Variants in CRIPT observed in about 807,000 individuals in gnomAD.
CRIPT encodes the protein CXXC repeat containing interactor of PDZ3 domain.
CRIPT carries 20 observed loss-of-function variants against 16.6 expected under a neutral mutation model. That is an observed-to-expected ratio of 1.20 (90% CI 0.85 to 1.75). The LOEUF (loss-of-function observed/expected upper bound fraction) is 1.75. Among genes scored for constraint, CRIPT ranks in the 40% most tolerant of loss-of-function variants. The pLI is 0.00. For synonymous variants in CRIPT, 42 were observed against 37.0 expected, an observed-to-expected ratio of 1.14 and a Z score of -0.49; for missense variants, 133 against 115.3, an observed-to-expected ratio of 1.15 and a Z score of -0.70.
intron 2 of CRIPT, 97 bp from the exon 3 acceptor site, chr2:46,619,530 A>T (rs1199650982): frequency 4.3e-6 from 3 of 693,440 alleles, no homozygotes; most frequent in Non-Finnish European, 7.0e-6. Context: ...TTAGATATAG[A>T]CTACTATTTT....
rs1289000101 is a variant in CRIPT, at chr2:46,626,986, C to T, written c.*2759C>T. The stretch of plus-strand genomic sequence containing the variant: ...TTGCTGGGATTACAGGTGCCTGCCA[C>T]CAAGCGTGGCTAATTTTGGTACTTT... On this transcript the variant is annotated 3_prime_UTR_variant, in exon 5 of 5. Transcript: ENST00000238892. 6.6e-6 allele frequency among the ~76,000 whole-genome samples: 1 copy of T among 152,064 alleles called. No homozygotes were observed. The highest frequency in any genetic ancestry group is 1.5e-5 in the Non-Finnish European group (1 of 68,012).
At chr2:46,623,902 A>C (rs1319693487) in intron 4 of CRIPT, 35 bp downstream of exon 4, 6 of 1,419,142 alleles carry the variant, frequency 4.2e-6, no homozygotes, top group East Asian at 4.6e-5. Flanking sequence ...CTATTCATAA[A>C]ACCGACTTCA....
chr2:46,617,446 T>C lies in CRIPT; in HGVS notation c.16+148T>C, dbSNP rs143678796. ...TTTCTACCCTACCCTTTGACCATTT[T>C]TGCACCTCCCAACGACCATACAGTC... is the stretch of plus-strand genomic sequence containing the variant. On this transcript the variant is annotated intron_variant, in intron 1 of 4. Coordinates refer to ENST00000238892, the MANE Select transcript of CRIPT (RefSeq NM_014171.6). 140 of 842,576 alleles carry C rather than the reference T, an allele frequency of 1.7e-4. No homozygotes were observed. The African/African-American group carries it at 1.8e-3, about 11-fold the overall frequency. 52.2% of individuals were successfully genotyped at this position (842,576 alleles called of 1,614,324 possible). A position where few individuals can be genotyped will look rare whatever the true frequency, so the allele number is the denominator to read the frequency against.
Position 46,624,291 on chromosome 2 carries a change from T to G in CRIPT, c.*64T>G. ...CTTTCTGCCTTGAATTTTCAAGGCA[T>G]AGATGTCAACTTACAGAATAACATG... On this transcript the variant is annotated 3_prime_UTR_variant, in exon 5 of 5. Transcript: ENST00000238892. The G allele has an allele frequency of 9.7e-7, 1 of 1,027,970 alleles. No homozygotes were observed. Among genetic ancestry groups the G allele is most frequent in the Non-Finnish European group, 1.4e-6 (1 of 702,848 alleles). 63.7% of individuals were successfully genotyped at this position (1,027,970 alleles called of 1,614,324 possible).
At position 46,625,080 on chromosome 2, in the gene CRIPT, T is replaced by G. The variant is rs1670902507; in HGVS notation, c.*853T>G. Reference sequence around the variant, plus strand: ...TTTTTAAAATTTGTTTGTTTTTTTTTTTTTTTTTTGGATACAAGAGCTCAC... The same window carrying G: ...TTTTTAAAATTTGTTTGTTTTTTTTGTTTTTTTTTGGATACAAGAGCTCAC... On this transcript the variant is annotated 3_prime_UTR_variant, in exon 5 of 5. Coordinates refer to ENST00000238892, the MANE Select transcript of CRIPT (RefSeq NM_014171.6). The G allele has an allele frequency of 6.7e-6, 1 of 149,710 alleles. No homozygotes were observed. The highest frequency in any genetic ancestry group is 1.5e-5 in the Non-Finnish European group (1 of 67,384). 9.3% of individuals were successfully genotyped at this position (149,710 alleles called of 1,614,324 possible). A position where few individuals can be genotyped will look rare whatever the true frequency, so the allele number is the denominator to read the frequency against.
At chr2:46,620,384 G>T (rs2104168055) in intron 3 of CRIPT, among the ~76,000 whole-genome samples, 1 of 152,186 alleles carries the variant, frequency 6.6e-6, no homozygotes, top group East Asian at 1.9e-4. Context: ...GGAGGTCAAG[G>T]CTGCAGTGAG....
At chr2:46,618,098 C>T (rs1670710749) in intron 1 of CRIPT, among the ~76,000 whole-genome samples, 1 of 151,220 alleles carries the variant, frequency 6.6e-6, no homozygotes, top group Non-Finnish European at 1.5e-5. Flanking sequence ...TCTGTCTTGC[C>T]TTCTCCCCAA....
chr2:46,618,539 C>G (rs756658757), intron 1 of CRIPT, among the ~76,000 whole-genome samples: 2 of 152,042 alleles, frequency 1.3e-5, no homozygotes, highest in Non-Finnish European at 2.9e-5. Flanking sequence ...AAAATATAAA[C>G]CAACAGTGAA....
chr2:46,625,269 C>T lies in CRIPT; in HGVS notation c.*1042C>T, dbSNP rs1294613840. 6.6e-6 allele frequency: 1 copy of T among 151,264 alleles called. No individual in the cohort carries two copies. Among genetic ancestry groups the T allele is most frequent in the Non-Finnish European group, 1.5e-5 (1 of 67,942 alleles). 9.4% of individuals were successfully genotyped at this position (151,264 alleles called of 1,614,324 possible). Reference sequence around the variant, plus strand: ...TATTTTTAGTAGAGATGAGGACTCACTATGTTGCCCAAGCTGTTCTCGAAC... The same window carrying T: ...TATTTTTAGTAGAGATGAGGACTCATTATGTTGCCCAAGCTGTTCTCGAAC... On this transcript the variant is annotated 3_prime_UTR_variant, in exon 5 of 5. Transcript: ENST00000238892.
chr2:46,617,767 T>A (rs533538058), intron 1 of CRIPT, among the ~76,000 whole-genome samples: 9 of 152,258 alleles, frequency 5.9e-5, no homozygotes, highest in Non-Finnish European at 1.3e-4. Context: ...GATGCTTGAA[T>A]TGAAAATCAA....
chr2:46,617,526 G>T (rs938207070), intron 1 of CRIPT, among the ~76,000 whole-genome samples: 36 of 152,016 alleles, frequency 2.4e-4, no homozygotes, highest in Non-Finnish European at 2.2e-4. Context: ...GTCTATTTCT[G>T]TTGCCTTCCC....
At chr2:46,617,758 A>G (rs980756899) in intron 1 of CRIPT, among the ~76,000 whole-genome samples, 4 of 152,150 alleles carry the variant, frequency 2.6e-5, no homozygotes, top group African/African-American at 7.2e-5. Context: ...AGCCCAGAAG[A>G]TGCTTGAATT....
intron 3 of CRIPT, among the ~76,000 whole-genome samples, chr2:46,620,152 C>T (rs1331218140): frequency 6.6e-6 from 1 of 152,146 alleles, no homozygotes; most frequent in Non-Finnish European, 1.5e-5. Context: ...TTTATTATAT[C>T]CAGCTTAAAA....
intron 1 of CRIPT, among the ~76,000 whole-genome samples, chr2:46,618,151 T>C (rs566020937): frequency 1.9e-3 from 288 of 151,992 alleles, no homozygotes; most frequent in Non-Finnish European, 3.5e-3. Context: ...TATTTCTTCC[T>C]GCATGGAATT....
rs1243185446 is a variant in CRIPT, at chr2:46,629,703, C to T, written c.*5476C>T. Among the ~76,000 whole-genome samples, 1 of 152,082 alleles carries T rather than the reference C, an allele frequency of 6.6e-6. No individual in the cohort carries two copies. Among genetic ancestry groups the T allele is most frequent in the African/African-American group, 2.4e-5 (1 of 41,414 alleles). On this transcript the variant is annotated 3_prime_UTR_variant, in exon 5 of 5. Transcript: ENST00000238892. ...GTATACATCCAGATGCACAGAATGT[C>T]CATTTGTCCCTTATTGGTGATGCTA... is the stretch of plus-strand genomic sequence containing the variant.
rs528413317 is a variant in CRIPT, at chr2:46,626,889, A to G, written c.*2662A>G. Among the ~76,000 whole-genome samples, 244 of 152,076 alleles carry G rather than the reference A, an allele frequency of 1.6e-3. 4 individuals are homozygous for G. Among genetic ancestry groups the G allele is most frequent in the Non-Finnish European group, 2.4e-3 (162 of 67,988 alleles). On this transcript the variant is annotated 3_prime_UTR_variant, in exon 5 of 5. Coordinates refer to ENST00000238892, the MANE Select transcript of CRIPT (RefSeq NM_014171.6). ...CTGTTGTCACCCAGGCTAGAGTGCA[A>G]TGGCACCATCTCAGCTCACTGCAAC...
In CRIPT at chr2:46,625,139, C is replaced by G. The variant is rs368098818; in HGVS notation, c.*912C>G. 1 of 140,856 alleles carries G rather than the reference C, an allele frequency of 7.1e-6. No homozygotes were observed. Among genetic ancestry groups the G allele is most frequent in the East Asian group, 2.1e-4 (1 of 4,764 alleles). The allele number at this position is 140,856 out of a possible 1,614,324, so 8.7% of individuals were successfully genotyped here. A position where few individuals can be genotyped will look rare whatever the true frequency, so the allele number is the denominator to read the frequency against. ...CCAGGGTGGAGTGCAGAGGTATCAT[C>G]AGGCTCTCTGCAGCCTCCATCTGCT... On this transcript the variant is annotated 3_prime_UTR_variant, in exon 5 of 5. Coordinates refer to ENST00000238892, the MANE Select transcript of CRIPT (RefSeq NM_014171.6).
chr2:46,623,641 C>G lies in CRIPT; in HGVS notation c.138-123C>G, dbSNP rs985770836. On this transcript the variant is annotated intron_variant, in intron 3 of 4. Transcript: ENST00000238892. ...GCCATCTGGAATAGGCTAAACCCAT[C>G]AATTGTAGAGGTTGATGGAGGGATG... 1.9e-5 allele frequency: 11 copies of G among 582,024 alleles called. No homozygotes were observed. In the Admixed American group the frequency reaches 3.4e-4, roughly 18 times the overall value. The allele number at this position is 582,024 out of a possible 1,614,324, so 36.1% of individuals were successfully genotyped here. A position where few individuals can be genotyped will look rare whatever the true frequency, so the allele number is the denominator to read the frequency against.
At chr2:46,624,041 A>T (rs183494964) in intron 4 of CRIPT, 122 bp from the exon 5 acceptor site, 14,396 of 374,640 alleles carry the variant, frequency 0.038, 280 homozygotes, top group Middle Eastern at 0.064. Flanking sequence ...ATATATATAT[A>T]TTTTTTTTTT....
Sources: allele counts gnomAD v4.1 joint callset (sites outside exome capture counted in the v4.1 genomes callset), GRCh38; gene constraint gnomAD v4.1.1; transcripts MANE v1.5; gene names NCBI Gene and HGNC (gene_info 2026-07-23, HGNC 2026-07-21).